Variants in PCSK5 observed in about 807,000 individuals in gnomAD.
PCSK5 encodes the protein proprotein convertase subtilisin/kexin type 5.
Under a neutral mutation model 233.2 loss-of-function variants are expected in PCSK5, and 129 were observed. The observed-to-expected ratio is 0.55, with a 90% CI of 0.48 to 0.64. The LOEUF (loss-of-function observed/expected upper bound fraction) is 0.64, where lower values mean the gene tolerates loss of function less well. Among genes scored for constraint, PCSK5 ranks in the 30% least tolerant of loss-of-function variants. The probability of loss-of-function intolerance (pLI) is 0.00; values close to 1 mark genes in which losing one functional copy is unlikely to be tolerated. For missense variants in PCSK5, 2,076 were observed against 2,430.1 expected, an observed-to-expected ratio of 0.85 and a Z score of 3.06; for synonymous variants, 825 against 879.2, an observed-to-expected ratio of 0.94 and a Z score of 1.09.
At chr9:75,937,771 G>A (rs1824123738) in intron 2 of PCSK5, among the ~76,000 whole-genome samples, 1 of 152,200 alleles carries the variant, frequency 6.6e-6, no homozygotes, top group Non-Finnish European at 1.5e-5. Context: ...CTTCTCATCA[G>A]CACTTGCTGC....
intron 9 of PCSK5, among the ~76,000 whole-genome samples, chr9:76,117,249 C>T (rs994186736): frequency 6.6e-6 from 1 of 151,998 alleles, no homozygotes; most frequent in African/African-American, 2.4e-5. Flanking sequence ...GTAAGCTGAG[C>T]ACAAATGTGT....
chr9:76,270,166 G>T (rs951054412), intron 24 of PCSK5, among the ~76,000 whole-genome samples: 2 of 152,082 alleles, frequency 1.3e-5, no homozygotes, highest in Admixed American at 1.3e-4. Flanking sequence ...AAAAATTAAT[G>T]ATCAGAAAAT....
intron 3 of PCSK5, among the ~76,000 whole-genome samples, chr9:75,991,265 C>T (rs1395786201): frequency 1.3e-5 from 2 of 152,060 alleles, no homozygotes; most frequent in Non-Finnish European, 2.9e-5. Context: ...TTCTTAAAAC[C>T]AGATTTTTGC....
chr9:76,269,413 A>G (rs10521469), intron 24 of PCSK5, among the ~76,000 whole-genome samples: 11,851 of 152,218 alleles, frequency 0.078, 955 homozygotes, highest in African/African-American at 0.2. Context: ...TAAGAATTGC[A>G]CCGATCACTC....
chr9:76,255,875 A>G (rs558718820), intron 24 of PCSK5, among the ~76,000 whole-genome samples: 1 of 152,252 alleles, frequency 6.6e-6, no homozygotes, highest in South Asian at 2.1e-4. Context: ...TTTATAGATG[A>G]AAAAACCAAT....
intron 9 of PCSK5, among the ~76,000 whole-genome samples, chr9:76,113,839 C>T (rs1832320145): frequency 6.6e-6 from 1 of 152,030 alleles, no homozygotes; most frequent in South Asian, 2.1e-4. Context: ...GGGCCACATT[C>T]AACTCTATGA....
intron 2 of PCSK5, among the ~76,000 whole-genome samples, chr9:75,968,378 G>A (rs755258445): frequency 2.0e-4 from 31 of 152,188 alleles, no homozygotes; most frequent in Admixed American, 5.9e-4. Context: ...AATTTATTCA[G>A]CAAACATGTA....
At chr9:76,224,756 T>G (rs1825835197) in intron 20 of PCSK5, among the ~76,000 whole-genome samples, 1 of 152,172 alleles carries the variant, frequency 6.6e-6, no homozygotes, top group African/African-American at 2.4e-5. Context: ...ATTGAAGACA[T>G]GCAAAGCCAG....
intron 20 of PCSK5, among the ~76,000 whole-genome samples, chr9:76,190,871 C>T (rs1018192522): frequency 2.0e-5 from 3 of 152,286 alleles, no homozygotes; most frequent in African/African-American, 4.8e-5. Flanking sequence ...ATCTGGGGTG[C>T]AGCCCATGAT....
Position 76,360,290 on chromosome 9 carries a change from A to G in PCSK5, c.*1368A>G, listed in dbSNP as rs143738837. The G allele has an allele frequency of 2.0e-5, 3 of 152,336 alleles. No individual in the cohort carries two copies. Among genetic ancestry groups the G allele is most frequent in the African/African-American group, 7.2e-5 (3 of 41,554 alleles). The allele number at this position is 152,336 out of a possible 1,614,324, so 9.4% of individuals were successfully genotyped here. ...CCACTTATCCATTTTGGTACTTACCATACTCCCATGAGGTTGGTATTGCTA... is the reference window on the plus strand; with the variant it reads ...CCACTTATCCATTTTGGTACTTACCGTACTCCCATGAGGTTGGTATTGCTA... On this transcript the variant is annotated 3_prime_UTR_variant, in exon 38 of 38. Coordinates refer to ENST00000674117, the MANE Select transcript of PCSK5 (RefSeq NM_001372043.1).
At chr9:76,081,480 C>CAAATAAAT (rs765081974) in intron 7 of PCSK5, among the ~76,000 whole-genome samples, 74 of 146,144 alleles carry the variant, frequency 5.1e-4, no homozygotes, top group African/African-American at 1.9e-3. Flanking sequence ...AATAAACAAA[C>CAAATAAAT]AAACAAATAA....
intron 1 of PCSK5, among the ~76,000 whole-genome samples, chr9:75,921,087 A>G (rs539547255): frequency 2.0e-4 from 31 of 152,286 alleles, no homozygotes; most frequent in African/African-American, 7.2e-4. Flanking sequence ...CTAGATAGGA[A>G]TATTTAAATG....
intron 24 of PCSK5, among the ~76,000 whole-genome samples, chr9:76,264,128 G>T (rs1827264542): frequency 6.6e-6 from 1 of 152,132 alleles, no homozygotes; most frequent in Non-Finnish European, 1.5e-5. Context: ...CAATGAAACA[G>T]ATTAGAGAAT....
chr9:76,195,035 A>G (rs1824622138), intron 20 of PCSK5: 1 of 175,342 alleles, frequency 5.7e-6, no homozygotes, highest in African/African-American at 2.4e-5. Flanking sequence ...CCCAAAGTGA[A>G]TAATAAGTAA....
At chr9:75,975,860 A>G (rs1489844060) in intron 2 of PCSK5, among the ~76,000 whole-genome samples, 2 of 152,190 alleles carry the variant, frequency 1.3e-5, no homozygotes, top group African/African-American at 4.8e-5. Flanking sequence ...AAGACAAATA[A>G]ATGTAGAATG....
intron 24 of PCSK5, among the ~76,000 whole-genome samples, chr9:76,262,865 C>T (rs1206926250): frequency 2.0e-4 from 31 of 151,696 alleles, no homozygotes; most frequent in Middle Eastern, 3.4e-3. Flanking sequence ...AGGAAATTTT[C>T]GCAACCTGCT....
intron 2 of PCSK5, among the ~76,000 whole-genome samples, chr9:75,978,116 G>A (rs1375659325): frequency 6.6e-6 from 1 of 151,832 alleles, no homozygotes; most frequent in Non-Finnish European, 1.5e-5. Context: ...CTAAATTTTT[G>A]GCTCCTTTTT....
At chr9:76,250,173 G>A (rs983161087) in intron 24 of PCSK5, among the ~76,000 whole-genome samples, 4 of 152,146 alleles carry the variant, frequency 2.6e-5, no homozygotes, top group Admixed American at 1.3e-4. Flanking sequence ...GTGGTGGTGC[G>A]TGCTTGTAGT....
chr9:76,064,412 A>G (rs1157663433), intron 5 of PCSK5, among the ~76,000 whole-genome samples: 1 of 98,004 alleles, frequency 1.0e-5, no homozygotes, highest in South Asian at 4.0e-4. Context: ...CGGGGGGCTG[A>G]CCCCCCCACC....
Sources: gnomAD v4.1 joint callset for allele counts (sites outside exome capture counted in the v4.1 genomes callset) on GRCh38, gnomAD v4.1.1 for gene constraint, MANE v1.5 for transcripts, NCBI Gene and HGNC (gene_info 2026-07-23, HGNC 2026-07-21) for gene names.